FAM170B: variants seen among roughly 807,000 people sequenced by gnomAD.
The protein encoded by FAM170B is protein FAM170B.
FAM170B carries 4 observed loss-of-function variants against 3.9 expected under a neutral mutation model. The ratio of observed to expected loss-of-function variants is 1.01; its 90% CI spans 0.50 to 2.32. FAM170B has a LOEUF of 2.32. FAM170B is among the 30% of genes most tolerant of loss of function. The pLI, the probability that FAM170B is intolerant of heterozygous loss-of-function variation, is 0.02. For missense variants in FAM170B, 417 were observed against 368.6 expected, an observed-to-expected ratio of 1.13 and a Z score of -1.07; for synonymous variants, 163 against 149.8, an observed-to-expected ratio of 1.09 and a Z score of -0.64.
At chr10:49,132,753 GA>G (rs1189598740) in intron 1 of FAM170B, among the ~76,000 whole-genome samples, 2 of 151,646 alleles carry the variant, frequency 1.3e-5, no homozygotes, top group Non-Finnish European at 2.9e-5. Context: ...ATGAACCACT[GA>G]GACGTGCAAC....
chr10:49,133,956 T>A lies in FAM170B; in HGVS notation c.-38A>T. On this transcript the variant is annotated 5_prime_UTR_variant, in exon 1 of 2. Transcript: ENST00000311787. ...GTGCCCAGGGTGTCGGTGCTCCAGC[T>A]GTTCAGTGAGAGTTGGCTGGGGCTG... 6.6e-7 allele frequency: 1 copy of A among 1,510,952 alleles called. No individual in the cohort carries two copies. The highest frequency in any genetic ancestry group is 9.0e-7 in the Non-Finnish European group (1 of 1,109,734). The allele number at this position is 1,510,952 out of a possible 1,614,324, so 93.6% of individuals were successfully genotyped here. A position where few individuals can be genotyped will look rare whatever the true frequency, so the allele number is the denominator to read the frequency against.
intron 1 of FAM170B, among the ~76,000 whole-genome samples, chr10:49,133,438 G>A (rs1398088202): frequency 4.6e-5 from 7 of 152,184 alleles, no homozygotes; most frequent in South Asian, 2.1e-4. Context: ...ACACGTCCCC[G>A]CGGTCTTCAA....
At position 49,132,156 on chromosome 10, in the gene FAM170B, C is replaced by A. The variant is rs750865869; in HGVS notation, c.309G>T (p.Pro103=). The change falls in exon 2 of 2, where the codon CCG becomes CCT. Residue 103 remains proline (P), a synonymous_variant. Transcript: ENST00000311787. ...SCMCDEDNAA[P]QSVCAFYTHV... ...GCGTGTAGAAGGCACACACACTCTG[C>A]GGAGCAGCATTGTCCTCATCGCACA... The A allele has an allele frequency of 3.2e-6, 5 of 1,551,646 alleles. No individual in the cohort carries two copies. The African/African-American group carries it at 5.5e-5, about 17-fold the overall frequency.
intron 1 of FAM170B, among the ~76,000 whole-genome samples, 180 bp downstream of exon 1, chr10:49,133,627 C>A (rs1845213539): frequency 6.6e-6 from 1 of 152,068 alleles, no homozygotes; most frequent in Non-Finnish European, 1.5e-5. Flanking sequence ...CTCATAACAG[C>A]CTCAGTCACA....
Position 49,131,763 on chromosome 10 carries a change from C to G in FAM170B, c.702G>C (p.Gln234His), listed in dbSNP as rs1296071826. 1 of 1,551,502 alleles carries G rather than the reference C, an allele frequency of 6.4e-7. No homozygotes were observed. Among genetic ancestry groups the G allele is most frequent in the East Asian group, 2.4e-5 (1 of 40,914 alleles). The change falls in exon 2 of 2, where the codon CAG becomes CAC. Residue 234 changes from glutamine to histidine, a missense_variant. Physicochemically the swap from Gln to His is conservative, Grantham distance 24. Transcript: ENST00000311787. ...TCTCCAGCATCTCCTCAAAAAAGATCTGACAGCTGAAGCCCTCCCGGATGC... is the reference window on the plus strand; with the variant it reads ...TCTCCAGCATCTCCTCAAAAAAGATGTGACAGCTGAAGCCCTCCCGGATGC... ...QHGIREGFSCQIFFEEMLERR... is the reference protein window; with the variant it reads ...QHGIREGFSCHIFFEEMLERR...
intron 1 of FAM170B, among the ~76,000 whole-genome samples, chr10:49,133,174 A>C (rs933430916): frequency 1.3e-5 from 2 of 152,252 alleles, no homozygotes; most frequent in African/African-American, 4.8e-5. Flanking sequence ...CAAGCCACCC[A>C]GACCCACCAT....
At position 49,131,162 on chromosome 10, in the gene FAM170B, T is replaced by C. The variant is rs1845176894; in HGVS notation, c.*451A>G. The C allele has an allele frequency of 6.4e-6, 1 of 157,270 alleles. No individual in the cohort carries two copies. The allele number at this position is 157,270 out of a possible 1,614,324, so 9.7% of individuals were successfully genotyped here. On this transcript the variant is annotated 3_prime_UTR_variant, in exon 2 of 2. Transcript: ENST00000311787. The stretch of plus-strand genomic sequence containing the variant: ...TTAGTCACTGCATTCAATTTTGTGT[T>C]ATTCAAGTTTAATCCCAATAACATA...
Position 49,132,361 on chromosome 10 carries a change from C to A in FAM170B, c.113-9G>T. 6.6e-7 allele frequency: 1 copy of A among 1,522,880 alleles called. No homozygotes were observed. Among genetic ancestry groups the A allele is most frequent in the South Asian group, 1.2e-5 (1 of 81,062 alleles). The allele number at this position is 1,522,880 out of a possible 1,614,324, so 94.3% of individuals were successfully genotyped here. On this transcript the variant is annotated splice_polypyrimidine_tract_variant and intron_variant, in intron 1 of 1. Transcript: ENST00000311787. ...TTCTCTCTGTATAGTCCCTGAGAAG[C>A]AGAAGGACATTGTCATCAGTGCCCT...
rs1170335706 is a variant in FAM170B, at chr10:49,132,345, T to C, written c.120A>G (p.Ile40Met). The C allele has an allele frequency of 1.9e-6, 3 of 1,539,890 alleles. No individual in the cohort carries two copies. Among genetic ancestry groups the C allele is most frequent in the Non-Finnish European group, 2.6e-6 (3 of 1,141,636 alleles). The change falls in exon 2 of 2, where the codon ATA (isoleucine) becomes ATG (methionine). Residue 40 changes from isoleucine (I) to methionine (M), a missense_variant. Physicochemically the swap from Ile to Met is conservative, Grantham distance 10. Coordinates refer to ENST00000311787, the MANE Select transcript of FAM170B (RefSeq NM_001164484.2). ...GCCGTGGGGACGACCCTTCTCTCTGTATAGTCCCTGAGAAGCAGAAGGACA... is the reference window on the plus strand; with the variant it reads ...GCCGTGGGGACGACCCTTCTCTCTGCATAGTCCCTGAGAAGCAGAAGGACA... Reference protein sequence around the residue: ...ESVEVFWPGTIQREGSSPRPG... With the variant: ...ESVEVFWPGTMQREGSSPRPG...
intron 1 of FAM170B, among the ~76,000 whole-genome samples, chr10:49,133,297 A>G (rs1401078677): frequency 1.3e-5 from 2 of 152,164 alleles, no homozygotes; most frequent in Non-Finnish European, 2.9e-5. Flanking sequence ...TTTAATATTC[A>G]AAACAACCCT....
chr10:49,133,700 C>CATTT (rs1288185562), intron 1 of FAM170B, 107 bp downstream of exon 1: 5 of 813,116 alleles, frequency 6.1e-6, no homozygotes, highest in Non-Finnish European at 1.0e-5. Flanking sequence ...TCAACACAAC[C>CATTT]ATTTGGTAAC....
Position 49,131,725 on chromosome 10 carries a change from T to G in FAM170B, c.740A>C (p.Gln247Pro). ...CAGCTGTTGGTCATGTGCTTGGCCC[T>G]GAGCCCGCCTTCTCTCCAGCATCTC... ...FEEMLERRRA[Q>P]GQAHDQQLEE... The change falls in exon 2 of 2, where the codon CAG becomes CCG. Residue 247 changes from glutamine (Q) to proline (P), a missense_variant. Gln to Pro is a moderately conservative substitution (Grantham distance 76). Transcript: ENST00000311787. The G allele has an allele frequency of 1.3e-6, 2 of 1,551,754 alleles. No homozygotes were observed. The highest frequency in any genetic ancestry group is 1.7e-6 in the Non-Finnish European group (2 of 1,147,006).
At chr10:49,133,219 C>T (rs1160995235) in intron 1 of FAM170B, among the ~76,000 whole-genome samples, 3 of 152,212 alleles carry the variant, frequency 2.0e-5, no homozygotes, top group Admixed American at 6.5e-5. Context: ...TTCACCTTCC[C>T]GAGGGGGCAT....
chr10:49,132,998 TA>T (rs1334857013), intron 1 of FAM170B, among the ~76,000 whole-genome samples: 1 of 152,202 alleles, frequency 6.6e-6, no homozygotes, highest in East Asian at 1.9e-4. Context: ...AGGGGACTTT[TA>T]GGGGTTTTGA....
At position 49,132,340 on chromosome 10, in the gene FAM170B, C is replaced by A; in HGVS notation, c.125G>T (p.Arg42Ile). ...CCCCGGCCGTGGGGACGACCCTTCT[C>A]TCTGTATAGTCCCTGAGAAGCAGAA... ...VEVFWPGTIQ[R>I]EGSSPRPGPA... is the part of the protein sequence containing the mutation. The change falls in exon 2 of 2, where the codon AGA (arginine) becomes ATA (isoleucine). Residue 42 changes from arginine (R) to isoleucine (I), a missense_variant. Coordinates refer to ENST00000311787, the MANE Select transcript of FAM170B (RefSeq NM_001164484.2). 6.5e-7 allele frequency: 1 copy of A among 1,545,288 alleles called. No individual in the cohort carries two copies. Among genetic ancestry groups the A allele is most frequent in the African/African-American group, 1.4e-5 (1 of 73,130 alleles).
At position 49,131,692 on chromosome 10, in the gene FAM170B, T is replaced by A. The variant is rs931138816; in HGVS notation, c.773A>T (p.Glu258Val). ...GQAHDQQLEE[E>V]QSPSDNSECS... ...TTCGCTGTTGTCTGAAGGACTCTGC[T>A]CCTCCTCCAGCTGTTGGTCATGTGC... The change falls in exon 2 of 2, where the codon GAG (glutamate) becomes GTG (valine). Residue 258 changes from glutamate (E) to valine (V), a missense_variant. Coordinates refer to ENST00000311787, the MANE Select transcript of FAM170B (RefSeq NM_001164484.2). The A allele has an allele frequency of 6.4e-6, 10 of 1,551,716 alleles. No individual in the cohort carries two copies. The highest frequency in any genetic ancestry group is 8.7e-6 in the Non-Finnish European group (10 of 1,147,000).
intron 1 of FAM170B, among the ~76,000 whole-genome samples, chr10:49,133,458 C>G (rs1234107415): frequency 6.6e-6 from 1 of 152,182 alleles, no homozygotes; most frequent in South Asian, 2.1e-4. Context: ...AATTGATGTT[C>G]TAGATTAACT....
Position 49,131,802 on chromosome 10 carries a change from C to A in FAM170B, c.663G>T (p.Glu221Asp). Residue 221 changes from glutamate (E) to aspartate (D), a missense_variant, in exon 2 of 2, where the codon GAG becomes GAT. By Grantham distance (45) the Glu-to-Asp change is conservative. Transcript: ENST00000311787. ...CCTCCCGGATGCCATGCTGGGCGTGCTCCAGCAGAGCGTCCAGGGAGGGCA... is the reference window on the plus strand; with the variant it reads ...CCTCCCGGATGCCATGCTGGGCGTGATCCAGCAGAGCGTCCAGGGAGGGCA... ...RVLPSLDALL[E>D]HAQHGIREGF... 1 of 1,549,778 alleles carries A rather than the reference C, an allele frequency of 6.5e-7. No individual in the cohort carries two copies.
rs1468173428 is a variant in FAM170B at position 49,132,294 on chromosome 10, C to T, written c.171G>A (p.Glu57=). The change falls in exon 2 of 2, where the codon GAG becomes GAA. Residue 57 remains glutamate, a synonymous_variant. Transcript: ENST00000311787. ...GGTCCCTGGCAGCGAAGTAGAGGCC[C>T]TCCTCCCGGGGAATGGCAGGCCCCG... The part of the protein sequence containing the change: ...PRPGPAIPRE[E]GLYFAARDRG... 1.9e-5 allele frequency: 29 copies of T among 1,551,142 alleles called. No individual in the cohort carries two copies. Among genetic ancestry groups the T allele is most frequent in the Middle Eastern group, 1.7e-4 (1 of 6,014 alleles).
Sources: gnomAD v4.1 joint callset for allele counts (sites outside exome capture counted in the v4.1 genomes callset) on GRCh38, gnomAD v4.1.1 for gene constraint, MANE v1.5 for transcripts, NCBI Gene and HGNC (gene_info 2026-07-23, HGNC 2026-07-21) for gene names.